The following TULP1 variants were observed in gnomAD, a reference collection of about 807,000 sequenced individuals.
TULP1 encodes the protein TUB like protein 1, also known as tubby-related protein 1.
A neutral mutation model predicts 67.1 loss-of-function variants in TULP1; 50 were observed. The observed-to-expected ratio is 0.75, with a 90% CI of 0.59 to 0.94. The LOEUF (loss-of-function observed/expected upper bound fraction) is 0.94, where lower values mean the gene tolerates loss of function less well. Among genes scored for constraint, TULP1 ranks in the 40% least tolerant of loss-of-function variants. The pLI, the probability that TULP1 is intolerant of heterozygous loss-of-function variation, is 0.00. For missense variants in TULP1, 746 were observed against 734.1 expected (o/e 1.02, Z -0.19); for synonymous variants, 297 against 294.0 (o/e 1.01, Z -0.11).
rs1286919081 is a variant in TULP1, at chr6:35,505,733, A to G, written c.1112+8T>C. On this transcript the variant is annotated splice_region_variant and intron_variant, in intron 11 of 14. Coordinates refer to ENST00000229771, the MANE Select transcript of TULP1 (RefSeq NM_003322.6). ...AAGTCCCCCCAGCCCCAGGAAGCCC[A>G]GCCCCACCTCAGCTTCCCGATGAAA... 1.6e-5 allele frequency: 26 copies of G among 1,613,940 alleles called. No homozygotes were observed. Among genetic ancestry groups the G allele is most frequent in the Non-Finnish European group, 1.9e-5 (22 of 1,179,978 alleles).
rs759749871 is a variant in TULP1 at position 35,498,428 on chromosome 6, C to T, written c.1528G>A (p.Ala510Thr). The T allele has an allele frequency of 4.3e-6, 7 of 1,613,848 alleles. No homozygotes were observed. The highest frequency in any genetic ancestry group is 3.3e-5 in the Admixed American group (2 of 60,004). Residue 510 changes from alanine (A) to threonine (T), a missense_variant, in exon 15 of 15, where the codon GCG (alanine) becomes ACG (threonine). By Grantham distance (58) the Ala-to-Thr change is moderately conservative. Transcript: ENST00000229771. The surrounding 1 kb of genome is among the most constrained non-coding windows in gnomAD (Gnocchi z 6.7). ...DYIVLQFGRV[A>T]EDAFTLDYRY... ...TAGTCTAGGGTGAAGGCGTCCTCCG[C>T]CACGCGGCCGAACTGCAGCACGATA...
At position 35,498,322 on chromosome 6, in the gene TULP1, T is replaced by C; in HGVS notation, c.*5A>G. 6.2e-7 allele frequency: 1 copy of C among 1,612,056 alleles called. No homozygotes were observed. Among genetic ancestry groups the C allele is most frequent in the Non-Finnish European group, 8.5e-7 (1 of 1,179,432 alleles). ...GGCTCTGGGGGCGCTGAGGGGCTGC[T>C]GGGGTCACTCGCAGGCCAGCTTCCC... On this transcript the variant is annotated 3_prime_UTR_variant, in exon 15 of 15. Coordinates refer to ENST00000229771, the MANE Select transcript of TULP1 (RefSeq NM_003322.6). This position sits in a 1 kb window ranked among gnomAD's most constrained non-coding sequence, Gnocchi z 6.7.
chr6:35,509,890 G>A lies in TULP1; in HGVS notation c.538C>T (p.Arg180Cys), dbSNP rs139588263. The A allele has an allele frequency of 7.1e-5, 115 of 1,613,738 alleles. No homozygotes were observed. The highest frequency in any genetic ancestry group is 1.2e-4 in the South Asian group (11 of 91,070). Reference sequence around the variant, plus strand: ...GCTGGAGCTTCCTTATTCCTAACACGCAGAGGTTTCGGTGGGGGGTCAGGG... The same window carrying A: ...GCTGGAGCTTCCTTATTCCTAACACACAGAGGTTTCGGTGGGGGGTCAGGG... ...GSPDPPPKPL[R>C]VRNKEAPAGE... Residue 180 changes from arginine to cysteine, a missense_variant, in exon 6 of 15, where the codon CGT (arginine) becomes TGT (cysteine). Around this residue, in one of 3 missense-constraint regions of TULP1, gnomAD observed 359 missense variants for 341.9 expected, o/e 1.05. Coordinates refer to ENST00000229771, the MANE Select transcript of TULP1 (RefSeq NM_003322.6).
chr6:35,510,980 T>A lies in TULP1; in HGVS notation c.380A>T (p.Asp127Val), dbSNP rs374057301. The A allele has an allele frequency of 5.6e-6, 9 of 1,600,638 alleles. No individual in the cohort carries two copies. The African/African-American group carries it at 1.2e-4, about 21-fold the overall frequency. Residue 127 changes from aspartate (D) to valine (V), a missense_variant, in exon 5 of 15, where the codon GAC becomes GTC. Physicochemically the swap from Asp to Val is radical, Grantham distance 152 (BLOSUM62 -3). Coordinates refer to ENST00000229771, the MANE Select transcript of TULP1 (RefSeq NM_003322.6). ...EEEEEEEDEE[D>V]EEEEAEEKKE... is the part of the protein sequence containing the mutation. ...CTTTTCCTCTGCCTCCTCTTCCTCG[T>A]CCTCCTCGTCCTCCTCTTCCTCCTC...
chr6:35,500,283 T>C (rs1049196611), intron 13 of TULP1, 131 bp from the exon 14 acceptor site: 5 of 961,942 alleles, frequency 5.2e-6, no homozygotes, highest in Non-Finnish European at 8.2e-6. Context: ...TCCATTAGGG[T>C]ATCTGAGAAT....
At chr6:35,511,582 C>A in intron 4 of TULP1, 66 bp downstream of exon 4, 1 of 1,557,536 alleles carries the variant, frequency 6.4e-7, no homozygotes, top group Non-Finnish European at 8.7e-7. Flanking sequence ...CCGTTCCCGT[C>A]CAGCCAGCCC....
At position 35,498,431 on chromosome 6, in the gene TULP1, C is replaced by G. The variant is rs201496818; in HGVS notation, c.1525G>C (p.Val509Leu). 1.2e-6 allele frequency: 2 copies of G among 1,613,986 alleles called. No homozygotes were observed. The highest frequency in any genetic ancestry group is 1.7e-5 in the Admixed American group (1 of 60,032). ...TCTAGGGTGAAGGCGTCCTCCGCCA[C>G]GCGGCCGAACTGCAGCACGATATAG... ...PDYIVLQFGR[V>L]AEDAFTLDYR... Residue 509 changes from valine (V) to leucine (L), a missense_variant, in exon 15 of 15, where the codon GTG becomes CTG. Physicochemically the swap from Val to Leu is conservative, Grantham distance 32 (BLOSUM62 1). Transcript: ENST00000229771. This position sits in a 1 kb window ranked among gnomAD's most constrained non-coding sequence, Gnocchi z 6.7.
Position 35,512,815 on chromosome 6 carries a change from T to C in TULP1, c.44A>G (p.Asp15Gly). ...DETLREVWAS[D>G]SGHEEESLSP... ...ACGAACTGGGGGCCTTCCAGACCTG[T>C]CAGAGGCCCACACCTCTCGGAGGGT... The change falls in exon 1 of 15, where the codon GAC becomes GGC. Residue 15 changes from aspartate (D) to glycine (G), a missense_variant. Transcript: ENST00000229771. The C allele has an allele frequency of 6.2e-7, 1 of 1,604,340 alleles. No individual in the cohort carries two copies. Among genetic ancestry groups the C allele is most frequent in the Non-Finnish European group, 8.5e-7 (1 of 1,175,958 alleles).
Position 35,511,973 on chromosome 6 carries a change from G to T in TULP1, c.191-167C>A, listed in dbSNP as rs955848989. On this transcript the variant is annotated intron_variant, in intron 3 of 14. Coordinates refer to ENST00000229771, the MANE Select transcript of TULP1 (RefSeq NM_003322.6). The stretch of plus-strand genomic sequence containing the variant: ...AACACTTCTCCCCGGCTTCCATTCA[G>T]CTTCCCACCCCCTTCTACCCCAACG... 7.4e-5 allele frequency: 63 copies of T among 849,382 alleles called. No homozygotes were observed. The African/African-American group carries it at 9.5e-4, about 13-fold the overall frequency. 52.6% of individuals were successfully genotyped at this position (849,382 alleles called of 1,614,324 possible).
In TULP1 at chr6:35,498,237, C is replaced by A; in HGVS notation, c.*90G>T. 1 of 1,545,582 alleles carries A rather than the reference C, an allele frequency of 6.5e-7. No individual in the cohort carries two copies. The highest frequency in any genetic ancestry group is 8.7e-7 in the Non-Finnish European group (1 of 1,149,626). On this transcript the variant is annotated 3_prime_UTR_variant, in exon 15 of 15. Coordinates refer to ENST00000229771, the MANE Select transcript of TULP1 (RefSeq NM_003322.6). This position sits in a 1 kb window ranked among gnomAD's most constrained non-coding sequence, Gnocchi z 6.7. ...GCCCCGACACAGGAGCAGTTTTCCG[C>A]GGGAGCTTTGCTGGAGGGACCCTGC...
At chr6:35,506,662 C>T (rs1761094592) in intron 8 of TULP1, among the ~76,000 whole-genome samples, 1 of 152,188 alleles carries the variant, frequency 6.6e-6, no homozygotes, top group African/African-American at 2.4e-5. Context: ...AATATTTACT[C>T]ATTTCATCCT....
chr6:35,511,960 C>T, intron 3 of TULP1, 154 bp from the exon 4 acceptor site: 1 of 924,314 alleles, frequency 1.1e-6, no homozygotes, highest in Non-Finnish European at 1.6e-6. Flanking sequence ...CACTTCTCCC[C>T]GGCTTCCATT....
At chr6:35,507,885 G>A (rs952578687) in intron 8 of TULP1, among the ~76,000 whole-genome samples, 1 of 152,188 alleles carries the variant, frequency 6.6e-6, no homozygotes, top group Non-Finnish European at 1.5e-5. Context: ...CGTGATCTCA[G>A]CTCGCTGCAG....
chr6:35,500,094 A>G lies in TULP1; in HGVS notation c.1382T>C (p.Leu461Pro). 4.3e-6 allele frequency: 7 copies of G among 1,614,174 alleles called. No individual in the cohort carries two copies. The highest frequency in any genetic ancestry group is 5.9e-6 in the Non-Finnish European group (7 of 1,180,038). The change falls in exon 14 of 15, where the codon CTG (leucine) becomes CCG (proline). Residue 461 changes from leucine (L) to proline (P), a missense_variant. Leu to Pro is a moderately conservative substitution (Grantham distance 98, BLOSUM62 -3). This residue lies in a region of TULP1 where 383 missense variants were observed against 374.1 expected (regional missense o/e 1.02). Transcript: ENST00000229771. ...QNKTLESLIE[L>P]HNKPPVWNDD... ...GTTCCAGACAGGTGGCTTGTTGTGC[A>G]GTTCTATGAGGCTCTCCAGCGTCTT... is the stretch of plus-strand genomic sequence containing the variant.
intron 13 of TULP1, among the ~76,000 whole-genome samples, chr6:35,501,509 G>GAA (rs67875217): frequency 0.85 from 75,737 of 88,662 alleles, 32,968 homozygotes; most frequent in South Asian, 0.89. Context: ...CTCGGTCTCA[G>GAA]AAAAAAAAAA....
Position 35,509,329 on chromosome 6 carries a change from A to T in TULP1, c.719-17T>A, listed in dbSNP as rs767970909. 40 of 1,611,272 alleles carry T rather than the reference A, an allele frequency of 2.5e-5. No individual in the cohort carries two copies. Among genetic ancestry groups the T allele is most frequent in the Admixed American group, 1.3e-4 (8 of 59,912 alleles). Reference sequence around the variant, plus strand: ...TGGGAGTGCCTGAGCGTGGAGGGGGAAACAAGGCTGTGAACTCCTCACCCT... The same window carrying T: ...TGGGAGTGCCTGAGCGTGGAGGGGGTAACAAGGCTGTGAACTCCTCACCCT... On this transcript the variant is annotated splice_polypyrimidine_tract_variant and intron_variant, in intron 7 of 14. Transcript: ENST00000229771.
In TULP1 at chr6:35,509,542, T is replaced by G. The variant is rs940944510; in HGVS notation, c.718+92A>C. Reference sequence around the variant, plus strand: ...CTCTAGACCTGGCAAACTCCTTACCTAGCACTGTCTTGTATGCTGTAAGGA... The same window carrying G: ...CTCTAGACCTGGCAAACTCCTTACCGAGCACTGTCTTGTATGCTGTAAGGA... On this transcript the variant is annotated intron_variant, in intron 7 of 14. Transcript: ENST00000229771. 2.2e-6 allele frequency: 3 copies of G among 1,333,968 alleles called. No individual in the cohort carries two copies. In the Admixed American group the frequency reaches 5.0e-5, roughly 22 times the overall value. 82.6% of individuals were successfully genotyped at this position (1,333,968 alleles called of 1,614,324 possible). A position where few individuals can be genotyped will look rare whatever the true frequency, so the allele number is the denominator to read the frequency against.
At chr6:35,499,937 G>A in intron 14 of TULP1, 44 bp downstream of exon 14, 2 of 1,609,524 alleles carry the variant, frequency 1.2e-6, no homozygotes, top group Non-Finnish European at 1.7e-6. Flanking sequence ...TCAGCATCCT[G>A]GGGGTGGTGG....
Position 35,498,294 on chromosome 6 carries a change from A to C in TULP1, c.*33T>G, listed in dbSNP as rs199634715. 1.9e-6 allele frequency: 3 copies of C among 1,609,688 alleles called. No individual in the cohort carries two copies. In the East Asian group the frequency reaches 6.7e-5, roughly 36 times the overall value. The stretch of plus-strand genomic sequence containing the variant: ...CCACTGAATCCTTTCCCCCACGCTG[A>C]CGGGCTCTGGGGGCGCTGAGGGGCT... On this transcript the variant is annotated 3_prime_UTR_variant, in exon 15 of 15. Coordinates refer to ENST00000229771, the MANE Select transcript of TULP1 (RefSeq NM_003322.6). This position sits in a 1 kb window ranked among gnomAD's most constrained non-coding sequence, Gnocchi z 6.7.
Sources: allele counts gnomAD v4.1 joint callset (sites outside exome capture counted in the v4.1 genomes callset), GRCh38; gene constraint gnomAD v4.1.1; regional missense constraint gnomAD v4.1.1; non-coding constraint Gnocchi (gnomAD v3.1); transcripts MANE v1.5; gene names NCBI Gene and HGNC (gene_info 2026-07-23, HGNC 2026-07-21).